The following LRRIQ1 variants were observed in gnomAD, a reference collection of about 807,000 sequenced individuals.
LRRIQ1 encodes the protein leucine rich repeats and IQ motif containing 1.
A neutral mutation model predicts 211.9 loss-of-function variants in LRRIQ1; 210 were observed. The observed-to-expected ratio is 0.99, with a 90% CI of 0.89 to 1.11. The LOEUF is 1.11. Among genes scored for constraint, LRRIQ1 ranks in the 50% most tolerant of loss-of-function variants. LRRIQ1 has a pLI of 0.00. For missense variants in LRRIQ1, 2,136 were observed against 1,939.5 expected (o/e 1.10, Z -1.90); for synonymous variants, 699 against 650.1 (o/e 1.08, Z -1.14).
At chr12:85,209,334 C>A (rs1197474227) in intron 24 of LRRIQ1, among the ~76,000 whole-genome samples, 1 of 152,010 alleles carries the variant, frequency 6.6e-6, no homozygotes, top group Non-Finnish European at 1.5e-5. Context: ...AAGTGGTGAA[C>A]AAAAGGGGGA....
chr12:85,121,973 T>G (rs1207126906), intron 16 of LRRIQ1, 97 bp downstream of exon 16: 3 of 1,090,062 alleles, frequency 2.8e-6, no homozygotes, highest in Non-Finnish European at 3.7e-6. Flanking sequence ...TATACTTTTT[T>G]GGATTAGAAC....
At chr12:85,265,003 G>C (rs1896391914), downstream of LRRIQ1, among the ~76,000 whole-genome samples, 1 of 151,982 alleles carries the variant, frequency 6.6e-6, no homozygotes, top group South Asian at 2.1e-4. Flanking sequence ...GGGGGTGTTT[G>C]GAGATTTCAG....
Position 85,152,314 on chromosome 12 carries a change from C to T in LRRIQ1, c.4364C>T (p.Ser1455Phe), listed in dbSNP as rs1890296948. 1.2e-6 allele frequency: 2 copies of T among 1,611,170 alleles called. No individual in the cohort carries two copies. Among genetic ancestry groups the T allele is most frequent in the African/African-American group, 1.3e-5 (1 of 74,658 alleles). ...ALEEEWLALD[S>F]TRFPSQTLLL... ...GAAGAAGAATGGCTAGCATTAGATTCCACCCGCTTCCCTTCACAAACACTG... is the reference window on the plus strand; with the variant it reads ...GAAGAAGAATGGCTAGCATTAGATTTCACCCGCTTCCCTTCACAAACACTG... The change falls in exon 20 of 27, where the codon TCC becomes TTC. Residue 1455 changes from serine (S) to phenylalanine (F), a missense_variant. By Grantham distance (155) the Ser-to-Phe change is radical. Coordinates refer to ENST00000393217, the MANE Select transcript of LRRIQ1 (RefSeq NM_001079910.2).
Position 85,106,609 on chromosome 12 carries a change from A to G in LRRIQ1, c.3371A>G (p.Asn1124Ser), listed in dbSNP as rs770371612. ...LTGNPLLQET[N>S]WRDSLLKVLP... ...GGAAACCCACTTCTTCAAGAAACAAACTGGAGGTAAAGAGGCATTGTTGCA... is the reference window on the plus strand; with the variant it reads ...GGAAACCCACTTCTTCAAGAAACAAGCTGGAGGTAAAGAGGCATTGTTGCA... The change falls in exon 15 of 27, where the codon AAC becomes AGC. Residue 1124 changes from asparagine (N) to serine (S), a missense_variant. Asn to Ser is a conservative substitution (Grantham distance 46). Coordinates refer to ENST00000393217, the MANE Select transcript of LRRIQ1 (RefSeq NM_001079910.2). The G allele has an allele frequency of 3.7e-6, 6 of 1,607,630 alleles. No homozygotes were observed. The East Asian group carries it at 6.7e-5, about 18-fold the overall frequency.
chr12:85,202,955 G>A (rs1207297559), intron 24 of LRRIQ1, among the ~76,000 whole-genome samples: 1 of 152,092 alleles, frequency 6.6e-6, no homozygotes, highest in Non-Finnish European at 1.5e-5. Context: ...CTCCCTTCAG[G>A]ACTTCTTATA....
chr12:85,264,458 T>G (rs2137348484), downstream of LRRIQ1: 1 of 152,134 alleles, frequency 6.6e-6, no homozygotes, highest in African/African-American at 2.4e-5. Context: ...CTTTCCTAAT[T>G]ATGGTGTGAA....
chr12:85,183,339 A>G (rs968680583), intron 24 of LRRIQ1, among the ~76,000 whole-genome samples: 13 of 151,976 alleles, frequency 8.6e-5, no homozygotes, highest in Admixed American at 6.6e-4. Flanking sequence ...TCCAGCGACA[A>G]GTTTCTCTTT....
intron 24 of LRRIQ1, among the ~76,000 whole-genome samples, chr12:85,174,340 A>G (rs1242906200): frequency 6.6e-6 from 1 of 151,978 alleles, no homozygotes; most frequent in East Asian, 1.9e-4. Context: ...AAATACTAGA[A>G]TAACATACAA....
intron 13 of LRRIQ1, 107 bp downstream of exon 13, chr12:85,099,101 T>C (rs1886143652): frequency 1.6e-6 from 1 of 638,990 alleles, no homozygotes; most frequent in Admixed American, 3.9e-5. Context: ...TTCAATGAGA[T>C]TGCATCAAAA....
chr12:85,073,158 G>A, intron 11 of LRRIQ1, 60 bp downstream of exon 11: 1 of 1,297,122 alleles, frequency 7.7e-7, no homozygotes, highest in East Asian at 2.4e-5. Flanking sequence ...GAGGTATGGG[G>A]AGGGTTGGAT....
intron 15 of LRRIQ1, among the ~76,000 whole-genome samples, chr12:85,114,280 C>T (rs1288933756): frequency 6.6e-6 from 1 of 151,792 alleles, no homozygotes; most frequent in African/African-American, 2.4e-5. Context: ...CGGGCCAAGC[C>T]TAGATGACAA....
rs1487531840 is a variant in LRRIQ1, at chr12:85,056,882, G to T, written c.2089G>T (p.Val697Leu). 2 of 1,613,398 alleles carry T rather than the reference G, an allele frequency of 1.2e-6. No homozygotes were observed. The highest frequency in any genetic ancestry group is 1.7e-5 in the Admixed American group (1 of 59,950). ...LSNYNAESSM[V>L]SKEVNSLKSE... ...TAACTATAATGCAGAAAGCTCCATG[G>T]TATCTAAAGAAGTCAACTCTCTTAA... The change falls in exon 8 of 27, where the codon GTA (valine) becomes TTA (leucine). Residue 697 changes from valine (V) to leucine (L), a missense_variant. Physicochemically the swap from Val to Leu is conservative, Grantham distance 32 (BLOSUM62 1). Transcript: ENST00000393217.
chr12:85,223,513 GAA>G (rs1894502331), intron 24 of LRRIQ1, among the ~76,000 whole-genome samples: 1 of 152,112 alleles, frequency 6.6e-6, no homozygotes, highest in Non-Finnish European at 1.5e-5. Context: ...TATTATTTGT[GAA>G]AAACAAAATA....
intron 18 of LRRIQ1, among the ~76,000 whole-genome samples, chr12:85,136,066 A>G (rs1457100995): frequency 6.6e-6 from 1 of 152,066 alleles, no homozygotes; most frequent in Admixed American, 6.6e-5. Flanking sequence ...ATTTAATTGT[A>G]TATTTGCATC....
At chr12:85,143,461 T>G (rs1420128024) in intron 19 of LRRIQ1, among the ~76,000 whole-genome samples, 1 of 151,696 alleles carries the variant, frequency 6.6e-6, no homozygotes. Flanking sequence ...TTTAATTTGA[T>G]GTAACTCCAT....
downstream of LRRIQ1, among the ~76,000 whole-genome samples, chr12:85,268,488 A>G (rs1267380037): frequency 6.6e-6 from 1 of 151,968 alleles, no homozygotes. Context: ...AGTGACCCAT[A>G]TTCTCTGTAA....
chr12:85,220,871 G>A (rs1223603116), intron 24 of LRRIQ1, among the ~76,000 whole-genome samples: 1 of 147,414 alleles, frequency 6.8e-6, no homozygotes, highest in Non-Finnish European at 1.5e-5. Flanking sequence ...GCAGTGGCGT[G>A]ATCCTGGCTC....
At chr12:85,247,333 A>T (rs374823508), downstream of LRRIQ1, among the ~76,000 whole-genome samples, 4 of 151,630 alleles carry the variant, frequency 2.6e-5, no homozygotes, top group East Asian at 5.8e-4. Flanking sequence ...TTATAAAGCT[A>T]TTAATAAAAT....
chr12:85,149,161 C>T (rs1171047062), intron 19 of LRRIQ1, among the ~76,000 whole-genome samples: 2 of 151,922 alleles, frequency 1.3e-5, no homozygotes, highest in Admixed American at 1.3e-4. Flanking sequence ...TTAATTAGAT[C>T]CCGTTTGTGA....
Sources: gnomAD v4.1 joint callset for allele counts (sites outside exome capture counted in the v4.1 genomes callset) on GRCh38, gnomAD v4.1.1 for gene constraint, MANE v1.5 for transcripts, NCBI Gene and HGNC (gene_info 2026-07-23, HGNC 2026-07-21) for gene names.